SNTG2: variants seen among roughly 807,000 people sequenced by gnomAD.
SNTG2 encodes gamma-2-syntrophin.
Under a neutral mutation model 70.9 loss-of-function variants are expected in SNTG2, and 74 were observed. The observed-to-expected ratio is 1.04, with a 90% confidence interval of 0.86 to 1.27. The LOEUF (loss-of-function observed/expected upper bound fraction) is 1.27, where lower values mean the gene tolerates loss of function less well. SNTG2 is among the 50% of genes most tolerant of loss of function. SNTG2 has a pLI of 0.00. For synonymous variants in SNTG2, 278 were observed against 273.8 expected, an observed-to-expected ratio of 1.02 and a Z score of -0.15; for missense variants, 717 against 690.7, an observed-to-expected ratio of 1.04 and a Z score of -0.43.
chr2:1,342,271 C>T (rs1045348339), intron 16 of SNTG2, among the ~76,000 whole-genome samples: 3 of 152,206 alleles, frequency 2.0e-5, no homozygotes, highest in Non-Finnish European at 2.9e-5. Context: ...TTTCAAATAG[C>T]TCCTGCTCTG....
chr2:1,170,321 T>C (rs980314726), intron 7 of SNTG2, among the ~76,000 whole-genome samples: 1 of 152,210 alleles, frequency 6.6e-6, no homozygotes, highest in Non-Finnish European at 1.5e-5. Context: ...GCATTGCTAC[T>C]GTCTAATTCC....
At chr2:1,129,193 A>T (rs1407719591) in intron 4 of SNTG2, among the ~76,000 whole-genome samples, 2 of 152,206 alleles carry the variant, frequency 1.3e-5, no homozygotes, top group African/African-American at 2.4e-5. Flanking sequence ...TCTTCTAACA[A>T]ATGATTTCCT....
intron 14 of SNTG2, among the ~76,000 whole-genome samples, chr2:1,281,477 G>T (rs977988182): frequency 3.3e-5 from 5 of 149,272 alleles, no homozygotes; most frequent in African/African-American, 1.2e-4. Flanking sequence ...GGTGTTTATG[G>T]TGTATATGGT....
At position 1,222,511 on chromosome 2, in the gene SNTG2, T is replaced by C. The variant is rs587718441; in HGVS notation, c.719+13281T>C. 7.2e-3 allele frequency among the ~76,000 whole-genome samples: 991 copies of C among 137,646 alleles called. 11 individuals are homozygous for C. The highest frequency in any genetic ancestry group is 0.011 in the Admixed American group (147 of 13,800). 90.3% of individuals were successfully genotyped at this position (137,646 alleles called of 152,430 possible). A position where few individuals can be genotyped will look rare whatever the true frequency, so the allele number is the denominator to read the frequency against. ...AAGTGGTGCAGTGATGGAGGGCGTC[T>C]CCCTGTCCTGCCTGCTGCTGGAGGT... On this transcript the variant is annotated intron_variant, in intron 9 of 16. Coordinates refer to ENST00000308624, the MANE Select transcript of SNTG2 (RefSeq NM_018968.4).
intron 4 of SNTG2, among the ~76,000 whole-genome samples, chr2:1,114,413 G>A (rs1008340660): frequency 6.6e-6 from 1 of 151,632 alleles, no homozygotes; most frequent in Admixed American, 6.6e-5. Flanking sequence ...AGAATCATGT[G>A]TACTAAGTGA....
chr2:1,225,942 A>T (rs1558562561), intron 9 of SNTG2, among the ~76,000 whole-genome samples: 1 of 152,112 alleles, frequency 6.6e-6, no homozygotes, highest in Non-Finnish European at 1.5e-5. Flanking sequence ...GTATTCAGTG[A>T]TCAGATTTTA....
intron 16 of SNTG2, among the ~76,000 whole-genome samples, chr2:1,342,353 TGG>T (rs1168756320): frequency 1.4e-4 from 13 of 95,184 alleles, no homozygotes; most frequent in South Asian, 4.5e-4. Context: ...AAGAGTGGAC[TGG>T]CACTTTTCCC....
chr2:1,174,622 A>G (rs751816658), intron 8 of SNTG2, among the ~76,000 whole-genome samples: 2 of 152,240 alleles, frequency 1.3e-5, no homozygotes, highest in African/African-American at 2.4e-5. Context: ...AGTTTTCTAC[A>G]AAAGTGGCTG....
chr2:1,005,406 C>T (rs1051146202), intron 1 of SNTG2, among the ~76,000 whole-genome samples: 4 of 151,888 alleles, frequency 2.6e-5, no homozygotes, highest in African/African-American at 9.7e-5. Flanking sequence ...AGGGGCTGTG[C>T]ACATGTGGGG....
chr2:1,063,801 T>TG (rs1315487761), intron 1 of SNTG2, among the ~76,000 whole-genome samples: 3 of 152,080 alleles, frequency 2.0e-5, no homozygotes, highest in African/African-American at 7.2e-5. Context: ...AGAAAAAACT[T>TG]TCACATTTAT....
At chr2:1,152,898 C>T (rs4387832) in intron 6 of SNTG2, among the ~76,000 whole-genome samples, 124,294 of 151,496 alleles carry the variant, frequency 0.82, 52,584 homozygotes, top group Non-Finnish European at 0.94. Flanking sequence ...CCAAGGTGGG[C>T]GGATCTCCTG....
intron 12 of SNTG2, among the ~76,000 whole-genome samples, chr2:1,253,090 A>T (rs950971672): frequency 6.6e-6 from 1 of 152,076 alleles, no homozygotes; most frequent in African/African-American, 2.4e-5. Flanking sequence ...CAGGTTGTTA[A>T]TTACTCACAG....
At chr2:1,289,983 G>A (rs1263428793) in intron 14 of SNTG2, among the ~76,000 whole-genome samples, 1 of 152,126 alleles carries the variant, frequency 6.6e-6, no homozygotes. Flanking sequence ...TTCTAAAGGC[G>A]AGTAATATTC....
At chr2:1,325,342 C>T (rs1681715979) in intron 16 of SNTG2, among the ~76,000 whole-genome samples, 2 of 152,174 alleles carry the variant, frequency 1.3e-5, no homozygotes, top group African/African-American at 4.8e-5. Flanking sequence ...TACCCAATTG[C>T]TGTAAGCTGT....
intron 16 of SNTG2, among the ~76,000 whole-genome samples, chr2:1,358,660 C>A (rs964033423): frequency 6.6e-6 from 1 of 151,954 alleles, no homozygotes; most frequent in Non-Finnish European, 1.5e-5. Context: ...GTGCTTTTTC[C>A]AATTTTCCTT....
rs146490876 is a variant in SNTG2 at position 1,038,622 on chromosome 2, C to T, written c.73-44896C>T. Among the ~76,000 whole-genome samples, 568 of 152,234 alleles carry T rather than the reference C, an allele frequency of 3.7e-3. 2 individuals are homozygous for T. The highest frequency in any genetic ancestry group is 9.7e-3 in the African/African-American group (401 of 41,546). On this transcript the variant is annotated intron_variant, in intron 1 of 16. Coordinates refer to ENST00000308624, the MANE Select transcript of SNTG2 (RefSeq NM_018968.4). ...GATAAGATAAATCTTAGCTATTATT[C>T]GAGAGGATTTATCTTCTAAAGAACT...
chr2:988,099 G>A (rs1372597378), intron 1 of SNTG2, among the ~76,000 whole-genome samples: 4 of 152,202 alleles, frequency 2.6e-5, no homozygotes, highest in South Asian at 2.1e-4. Context: ...CTGACTTTCC[G>A]TTCCTTTAAG....
At chr2:1,106,594 A>G (rs1666171146) in intron 4 of SNTG2, among the ~76,000 whole-genome samples, 1 of 133,792 alleles carries the variant, frequency 7.5e-6, no homozygotes. Context: ...AACAGTGGAC[A>G]CGTGCTGTCA....
intron 1 of SNTG2, among the ~76,000 whole-genome samples, chr2:1,014,617 T>C (rs1659823040): frequency 8.6e-6 from 1 of 116,836 alleles, no homozygotes; most frequent in Non-Finnish European, 1.9e-5. Context: ...TGGAGAGGGA[T>C]TTATAAGGAC....
Sources: allele counts gnomAD v4.1 joint callset (sites outside exome capture counted in the v4.1 genomes callset), GRCh38; gene constraint gnomAD v4.1.1; transcripts MANE v1.5; gene names NCBI Gene and HGNC (gene_info 2026-07-23, HGNC 2026-07-21).